GGACT: variants seen among roughly 807,000 people sequenced by gnomAD.
GGACT encodes the protein gamma-glutamylaminecyclotransferase.
For synonymous variants in GGACT, 118 were observed against 115.3 expected (o/e 1.02, Z -0.15); for missense variants, 241 against 233.2 (o/e 1.03, Z -0.22).
At chr13:100,581,351 G>A (rs1875411079) in intron 2 of GGACT, among the ~76,000 whole-genome samples, 1 of 152,158 alleles carries the variant, frequency 6.6e-6, no homozygotes, top group South Asian at 2.1e-4. Flanking sequence ...ATATTGGAAA[G>A]CAAGGAAGTG....
chr13:100,533,955 G>A (rs760927985), intron 2 of GGACT, among the ~76,000 whole-genome samples: 3 of 152,266 alleles, frequency 2.0e-5, no homozygotes, highest in Non-Finnish European at 4.4e-5. Context: ...GGGACTGCAG[G>A]TGCAGGAAAA....
intron 2 of GGACT, among the ~76,000 whole-genome samples, chr13:100,570,186 T>C (rs937652470): frequency 3.3e-5 from 5 of 152,198 alleles, no homozygotes; most frequent in Admixed American, 2.0e-4. Context: ...TTTTTGGGTA[T>C]CCTTATAGCA....
chr13:100,531,202 A>G lies in GGACT; in HGVS notation c.*928T>C, dbSNP rs2088368077. ...GCACCGAGTTGAATCGATGCTGACA[A>G]TTATCAGATGGAGGTGGGTAGTAAT... On this transcript the variant is annotated 3_prime_UTR_variant, in exon 3 of 3. Coordinates refer to ENST00000683975, the MANE Select transcript of GGACT (RefSeq NM_001195087.2). 1 of 152,242 alleles carries G rather than the reference A, an allele frequency of 6.6e-6. No homozygotes were observed. The highest frequency in any genetic ancestry group is 2.4e-5 in the African/African-American group (1 of 41,454). The allele number at this position is 152,242 out of a possible 1,614,324, so 9.4% of individuals were successfully genotyped here.
intron 2 of GGACT, among the ~76,000 whole-genome samples, chr13:100,569,298 C>A (rs1875006390): frequency 6.6e-6 from 1 of 152,260 alleles, no homozygotes; most frequent in Non-Finnish European, 1.5e-5. Flanking sequence ...GCCTGGACAT[C>A]CAGGTGCCTC....
At chr13:100,581,730 G>A (rs1875424122) in intron 2 of GGACT, among the ~76,000 whole-genome samples, 1 of 152,188 alleles carries the variant, frequency 6.6e-6, no homozygotes, top group Admixed American at 6.5e-5. Context: ...TTACAGTGGA[G>A]AAACCTGCCA....
intron 2 of GGACT, among the ~76,000 whole-genome samples, chr13:100,568,215 C>T (rs1403207492): frequency 6.6e-6 from 1 of 152,246 alleles, no homozygotes; most frequent in African/African-American, 2.4e-5. Context: ...GGCCAACATC[C>T]TGCTGTCAGG....
intron 2 of GGACT, among the ~76,000 whole-genome samples, chr13:100,582,732 T>C (rs1041146320): frequency 6.6e-6 from 1 of 152,194 alleles, no homozygotes; most frequent in African/African-American, 2.4e-5. Flanking sequence ...TCCAGACAGC[T>C]GTTATTATAC....
chr13:100,540,779 T>G (rs1450271691), intron 2 of GGACT, among the ~76,000 whole-genome samples: 3 of 152,202 alleles, frequency 2.0e-5, no homozygotes, highest in Non-Finnish European at 4.4e-5. Context: ...ACAGGACACA[T>G]GAAAAGTCTA....
intron 2 of GGACT, chr13:100,538,642 A>G (rs917018717): frequency 6.6e-6 from 1 of 152,258 alleles, no homozygotes; most frequent in East Asian, 1.9e-4. Flanking sequence ...TTTTGATTAC[A>G]GTAACTTTAT....
intron 2 of GGACT, among the ~76,000 whole-genome samples, chr13:100,581,474 A>G (rs1414945892): frequency 2.0e-5 from 3 of 152,272 alleles, no homozygotes; most frequent in Admixed American, 2.0e-4. Flanking sequence ...AGAACAAAAT[A>G]AGGAGTATTG....
At chr13:100,577,462 G>GAA (rs1401887111) in intron 2 of GGACT, among the ~76,000 whole-genome samples, 40 of 118,748 alleles carry the variant, frequency 3.4e-4, no homozygotes, top group African/African-American at 1.2e-3. Context: ...AAAAGAAAAA[G>GAA]AAAGGAAATT....
At chr13:100,564,242 G>T (rs2088790312) in intron 2 of GGACT, among the ~76,000 whole-genome samples, 1 of 152,202 alleles carries the variant, frequency 6.6e-6, no homozygotes, top group Admixed American at 6.5e-5. Context: ...ATTGTGGGAA[G>T]GGTCTATCTG....
At chr13:100,579,227 G>A (rs1484403747) in intron 2 of GGACT, among the ~76,000 whole-genome samples, 1 of 152,144 alleles carries the variant, frequency 6.6e-6, no homozygotes, top group African/African-American at 2.4e-5. Flanking sequence ...AATTAATTAT[G>A]CAAGACAAAA....
Position 100,530,219 on chromosome 13 carries a change from G to A in GGACT, c.*1911C>T. 1 of 1,337,234 alleles carries A rather than the reference G, an allele frequency of 7.5e-7. No individual in the cohort carries two copies. The highest frequency in any genetic ancestry group is 1.1e-6 in the Non-Finnish European group (1 of 928,574). The allele number at this position is 1,337,234 out of a possible 1,614,324, so 82.8% of individuals were successfully genotyped here. ...CAATTTAATTAGCCATTTGCATGATGCTTTCACACACAATTGATTCAAGCA... is the reference window on the plus strand; with the variant it reads ...CAATTTAATTAGCCATTTGCATGATACTTTCACACACAATTGATTCAAGCA... On this transcript the variant is annotated 3_prime_UTR_variant, in exon 3 of 3. Transcript: ENST00000683975.
At chr13:100,586,815 A>AGAC (rs1875591818) in intron 1 of GGACT, 1 of 152,244 alleles carries the variant, frequency 6.6e-6, no homozygotes, top group African/African-American at 2.4e-5. Context: ...CTGTAAATCC[A>AGAC]TTTAAGGGGG....
chr13:100,543,586 A>G (rs2088575128), intron 2 of GGACT, among the ~76,000 whole-genome samples: 1 of 152,240 alleles, frequency 6.6e-6, no homozygotes, highest in Non-Finnish European at 1.5e-5. Context: ...ATTTCATGAC[A>G]GGAGGAAATG....
rs2088391898 is a variant in GGACT, at chr13:100,531,845, C to A, written c.*285G>T. On this transcript the variant is annotated 3_prime_UTR_variant, in exon 3 of 3. Coordinates refer to ENST00000683975, the MANE Select transcript of GGACT (RefSeq NM_001195087.2). ...CTCAAAGCAGAGCCAACAGCAGAAACAACACGAGGAGGAAGAAGAATTAGG... is the reference window on the plus strand; with the variant it reads ...CTCAAAGCAGAGCCAACAGCAGAAAAAACACGAGGAGGAAGAAGAATTAGG... The A allele has an allele frequency of 5.8e-6, 2 of 344,376 alleles. No individual in the cohort carries two copies. Among genetic ancestry groups the A allele is most frequent in the Admixed American group, 4.3e-5 (1 of 23,236 alleles). 21.3% of individuals were successfully genotyped at this position (344,376 alleles called of 1,614,324 possible). A position where few individuals can be genotyped will look rare whatever the true frequency, so the allele number is the denominator to read the frequency against.
At position 100,532,133 on chromosome 13, in the gene GGACT, T is replaced by C; in HGVS notation, c.459A>G (p.Arg153=). ...AGGCCCACCCTGCCCGTCCCCCTTA[T>C]CTGTTCTCCCGGGGGTTGTAGCGCA... ...HGLRYNPREN[R] is the part of the protein sequence containing the mutation. Residue 153 remains arginine (R), a synonymous_variant, in exon 3 of 3, where the codon AGA becomes AGG. Transcript: ENST00000683975. 1.4e-6 allele frequency: 2 copies of C among 1,446,118 alleles called. No homozygotes were observed. The highest frequency in any genetic ancestry group is 1.4e-5 in the African/African-American group (1 of 69,654). 89.6% of individuals were successfully genotyped at this position (1,446,118 alleles called of 1,614,324 possible).
intron 2 of GGACT, chr13:100,578,855 T>C (rs916379920): frequency 1.3e-5 from 2 of 152,204 alleles, no homozygotes; most frequent in African/African-American, 2.4e-5. Context: ...CATCATGAGA[T>C]GTAAAAATAT....
Sources: allele counts gnomAD v4.1 joint callset (sites outside exome capture counted in the v4.1 genomes callset), GRCh38; gene constraint gnomAD v4.1.1; transcripts MANE v1.5; gene names NCBI Gene and HGNC (gene_info 2026-07-23, HGNC 2026-07-21).